Variants in COPG1 observed in about 807,000 individuals in gnomAD.
COPG1 encodes coatomer subunit gamma-1.
A neutral mutation model predicts 102.8 loss-of-function variants in COPG1; 29 were observed. The ratio of observed to expected loss-of-function variants is 0.28; its 90% confidence interval spans 0.21 to 0.38. COPG1 has a LOEUF of 0.38. Ranked by LOEUF, COPG1 falls within the 10% of genes least tolerant of loss-of-function variation. The pLI, the probability that COPG1 is intolerant of heterozygous loss-of-function variation, is 1.00. For missense variants in COPG1, 875 were observed against 1,132.7 expected (o/e 0.77, Z 3.27); for synonymous variants, 406 against 421.6 (o/e 0.96, Z 0.45).
At chr3:129,266,941 A>G in intron 14 of COPG1, 83 bp from the exon 15 acceptor site, 3 of 1,202,878 alleles carry the variant, frequency 2.5e-6, no homozygotes, top group Non-Finnish European at 3.7e-6. Context: ...TTCTGCCTGA[A>G]GACCCATTCT....
intron 2 of COPG1, chr3:129,251,029 T>G (rs991796157): frequency 1.0e-5 from 3 of 296,450 alleles, no homozygotes; most frequent in Middle Eastern, 1.2e-3. Flanking sequence ...GTTCACGCCA[T>G]TCTCCTGCCT....
At chr3:129,274,810 T>G in intron 21 of COPG1, 28 bp from the exon 22 acceptor site, 1 of 1,592,786 alleles carries the variant, frequency 6.3e-7, no homozygotes, top group Non-Finnish European at 8.6e-7. Context: ...TGTAGATGGG[T>G]GCCTGATTTC....
intron 7 of COPG1, 85 bp from the exon 8 acceptor site, chr3:129,255,982 GT>G: frequency 8.6e-7 from 1 of 1,158,042 alleles, no homozygotes; most frequent in Non-Finnish European, 1.3e-6. Flanking sequence ...CCCCTGAGCT[GT>G]GTCTGAGGGA....
Position 129,277,439 on chromosome 3 carries a change from T to C in COPG1, c.*15T>C. The C allele has an allele frequency of 6.2e-7, 1 of 1,612,900 alleles. No homozygotes were observed. Among genetic ancestry groups the C allele is most frequent in the Admixed American group, 1.7e-5 (1 of 59,906 alleles). ...CTGTGGGATAAGAGGCCAGCCTGCA[T>C]AGGACCTCATACCCTTCCCCAACAC... is the stretch of plus-strand genomic sequence containing the variant. On this transcript the variant is annotated 3_prime_UTR_variant, in exon 24 of 24. Transcript: ENST00000314797.
intron 20 of COPG1, 116 bp downstream of exon 20, chr3:129,272,531 A>T (rs1208364660): frequency 1.1e-6 from 1 of 870,482 alleles, no homozygotes; most frequent in African/African-American, 1.7e-5. Context: ...CCTTGATTTC[A>T]GTCCCAAGAA....
chr3:129,275,209 T>C lies in COPG1; in HGVS notation c.2411T>C (p.Ile804Thr), dbSNP rs766565529. The C allele has an allele frequency of 6.8e-6, 11 of 1,614,138 alleles. No homozygotes were observed. In the South Asian group the frequency reaches 8.8e-5, roughly 13 times the overall value. ...CTCATTACAGAGGCTGTGGGTAATA[T>C]TGTGAAGTTCTTGGGAATGCACCCT... ...IKTLEEAVGN[I>T]VKFLGMHPCE... The change falls in exon 23 of 24, where the codon ATT becomes ACT. Residue 804 changes from isoleucine to threonine, a missense_variant. Transcript: ENST00000314797. The surrounding 1 kb of genome is among the most constrained non-coding windows in gnomAD (Gnocchi z 5.0).
chr3:129,250,055 A>G (rs534514367), intron 1 of COPG1, among the ~76,000 whole-genome samples: 4 of 151,736 alleles, frequency 2.6e-5, no homozygotes, highest in South Asian at 2.1e-4. Context: ...TCTTCGTCCA[A>G]CCTCTTGGGA....
At chr3:129,254,519 TGTG>T (rs1939766395) in intron 5 of COPG1, 146 bp from the exon 6 acceptor site, 1 of 582,270 alleles carries the variant, frequency 1.7e-6, no homozygotes, top group African/African-American at 1.9e-5. Flanking sequence ...CCAGCAGCTG[TGTG>T]GAGTTAGGCT....
chr3:129,260,541 C>T, intron 11 of COPG1, 78 bp from the exon 12 acceptor site: 1 of 1,547,098 alleles, frequency 6.5e-7, no homozygotes, highest in South Asian at 1.2e-5. Context: ...ATCCAAAGGA[C>T]TTCTGACTGG....
chr3:129,251,408 G>A lies in COPG1; in HGVS notation c.90+674G>A, dbSNP rs933436320. Among the ~76,000 whole-genome samples, 10 of 149,240 alleles carry A rather than the reference G, an allele frequency of 6.7e-5. No homozygotes were observed. In the South Asian group the frequency reaches 1.9e-3, roughly 28 times the overall value. ...ATATATGTATTTTTTTTTAGAAGGC[G>A]TCTCACTCTGTTGCTCAGGCTGGAG... On this transcript the variant is annotated intron_variant, in intron 2 of 23. Transcript: ENST00000314797.
chr3:129,274,774 G>A, intron 21 of COPG1, 64 bp from the exon 22 acceptor site: 1 of 1,565,958 alleles, frequency 6.4e-7, no homozygotes. Flanking sequence ...ATGTGTGGAT[G>A]AGTTCAGAGC....
chr3:129,274,205 G>A (rs1350977856), intron 21 of COPG1: 3 of 434,324 alleles, frequency 6.9e-6, no homozygotes, highest in Non-Finnish European at 1.4e-5. Context: ...AAAAGAGAGA[G>A]AGAGCTGGGT....
At chr3:129,266,635 A>G (rs1940066682) in intron 14 of COPG1, among the ~76,000 whole-genome samples, 2 of 152,120 alleles carry the variant, frequency 1.3e-5, no homozygotes, top group South Asian at 4.1e-4. Flanking sequence ...ATCTTTAAGT[A>G]ATTGTTCCCT....
chr3:129,269,202 A>G lies in COPG1; in HGVS notation c.1843+202A>G, dbSNP rs9784321. Reference sequence around the variant, plus strand: ...AATTGGAAGTTCAGAGAGAGAAAGTAGTAGGAGGGGCTGGAATTAAGGTCC... The same window carrying G: ...AATTGGAAGTTCAGAGAGAGAAAGTGGTAGGAGGGGCTGGAATTAAGGTCC... On this transcript the variant is annotated intron_variant, in intron 18 of 23. Transcript: ENST00000314797. 0.23 allele frequency among the ~76,000 whole-genome samples: 35,044 copies of G among 152,034 alleles called. 6,427 individuals are homozygous for G. The highest frequency in any genetic ancestry group is 0.51 in the African/African-American group (21,023 of 41,392).
intron 17 of COPG1, 142 bp from the exon 18 acceptor site, chr3:129,268,790 C>T (rs901573670): frequency 4.7e-5 from 50 of 1,066,310 alleles, no homozygotes; most frequent in East Asian, 2.1e-4. Context: ...TACACACAGA[C>T]GTGGGCTCTC....
rs1490620769 is a variant in COPG1 at position 129,272,225 on chromosome 3, C to T, written c.1987-19C>T. On this transcript the variant is annotated intron_variant, in intron 19 of 23. Transcript: ENST00000314797. ...CGGACCTAGTGCAATGTTTAAGCTC[C>T]CCTCTCTTTCCTGTTCAGTTTGACT... 2 of 1,611,180 alleles carry T rather than the reference C, an allele frequency of 1.2e-6. No individual in the cohort carries two copies. Among genetic ancestry groups the T allele is most frequent in the East Asian group, 4.5e-5 (2 of 44,838 alleles).
chr3:129,257,284 T>C (rs1939828843), intron 8 of COPG1, among the ~76,000 whole-genome samples, 186 bp from the exon 9 acceptor site: 1 of 152,150 alleles, frequency 6.6e-6, no homozygotes, highest in South Asian at 2.1e-4. Flanking sequence ...TTCTGTGGTT[T>C]GTGAAGCATT....
At chr3:129,268,852 G>T in intron 17 of COPG1, 80 bp from the exon 18 acceptor site, 4 of 1,347,406 alleles carry the variant, frequency 3.0e-6, no homozygotes, top group South Asian at 1.2e-5. Context: ...TATAATCCCT[G>T]AGTAATAGCA....
intron 12 of COPG1, among the ~76,000 whole-genome samples, chr3:129,262,142 G>A (rs959039858): frequency 6.6e-5 from 10 of 152,056 alleles, no homozygotes; most frequent in African/African-American, 2.4e-4. Context: ...GTCTGGGCAC[G>A]GTGGCTCATG....
Sources: allele counts gnomAD v4.1 joint callset (sites outside exome capture counted in the v4.1 genomes callset), GRCh38; gene constraint gnomAD v4.1.1; non-coding constraint Gnocchi (gnomAD v3.1); transcripts MANE v1.5; gene names NCBI Gene and HGNC (gene_info 2026-07-23, HGNC 2026-07-21).